TIMP2: variants seen among roughly 807,000 people sequenced by gnomAD.
TIMP2 encodes the protein metalloproteinase inhibitor 2.
TIMP2 carries 5 observed loss-of-function variants against 24.3 expected under a neutral mutation model. The ratio of observed to expected loss-of-function variants is 0.21; its 90% CI spans 0.11 to 0.43. The LOEUF is 0.43. TIMP2 is among the 20% of genes least tolerant of loss of function. The probability of loss-of-function intolerance (pLI) is 1.00; values close to 1 mark genes in which losing one functional copy is unlikely to be tolerated. For synonymous variants in TIMP2, 130 were observed against 123.2 expected (o/e 1.06, Z -0.37); for missense variants, 221 against 297.5 (o/e 0.74, Z 1.89).
chr17:78,865,466 A>C (rs2069603497), intron 3 of TIMP2, among the ~76,000 whole-genome samples: 1 of 152,038 alleles, frequency 6.6e-6, no homozygotes, highest in Non-Finnish European at 1.5e-5. Context: ...CTCTACTAAA[A>C]ATACAAAATT....
At chr17:78,898,223 G>A (rs1037378965) in intron 1 of TIMP2, 2 of 152,254 alleles carry the variant, frequency 1.3e-5, no homozygotes, top group Non-Finnish European at 2.9e-5. Context: ...CATAGGAGGT[G>A]AGGCCTATTC....
At chr17:78,913,452 T>C (rs187425926) in intron 1 of TIMP2, among the ~76,000 whole-genome samples, 1 of 152,258 alleles carries the variant, frequency 6.6e-6, no homozygotes, top group East Asian at 1.9e-4. Context: ...GGTTCACGCT[T>C]GTAATCCCAG....
At chr17:78,895,653 G>A (rs969153652) in intron 1 of TIMP2, among the ~76,000 whole-genome samples, 22 of 152,194 alleles carry the variant, frequency 1.4e-4, no homozygotes, top group Admixed American at 1.4e-3. Context: ...GAGAAGGCCT[G>A]AGTCCACAAA....
intron 1 of TIMP2, chr17:78,892,323 C>T: frequency 6.4e-7 from 1 of 1,550,664 alleles, no homozygotes; most frequent in Non-Finnish European, 8.7e-7. Flanking sequence ...CACATGGCTC[C>T]ATCCATGTTT....
chr17:78,855,043 T>C lies in TIMP2; in HGVS notation c.*624A>G, dbSNP rs1259113789. On this transcript the variant is annotated 3_prime_UTR_variant, in exon 5 of 5. Coordinates refer to ENST00000262768, the MANE Select transcript of TIMP2 (RefSeq NM_003255.5). The surrounding 1 kb of genome is among the most constrained non-coding windows in gnomAD (Gnocchi z 6.0). ...GCTCAGAGGGAGGCTCCCACTGGAA[T>C]TCTGAGGATTAATAGGATTGATGGG... 3.9e-4 allele frequency: 60 copies of C among 152,660 alleles called. 1 individual carries two copies. Among genetic ancestry groups the C allele is most frequent in the Admixed American group, 3.9e-3 (60 of 15,376 alleles). 9.5% of individuals were successfully genotyped at this position (152,660 alleles called of 1,614,324 possible). A position where few individuals can be genotyped will look rare whatever the true frequency, so the allele number is the denominator to read the frequency against.
chr17:78,863,835 A>T (rs1034131061), intron 3 of TIMP2, among the ~76,000 whole-genome samples: 6 of 152,122 alleles, frequency 3.9e-5, no homozygotes, highest in African/African-American at 1.4e-4. Context: ...CTCTGTGATC[A>T]TCATTTCTGG....
At chr17:78,866,974 T>C (rs1599147409) in intron 3 of TIMP2, among the ~76,000 whole-genome samples, 1 of 152,230 alleles carries the variant, frequency 6.6e-6, no homozygotes, top group East Asian at 1.9e-4. Flanking sequence ...AACCACTGAA[T>C]TGTAGGCCGG....
chr17:78,878,306 T>A (rs2069746596), intron 1 of TIMP2, among the ~76,000 whole-genome samples: 1 of 152,212 alleles, frequency 6.6e-6, no homozygotes, highest in South Asian at 2.1e-4. Flanking sequence ...CCACAGTTGT[T>A]CACACCTAAG....
intron 1 of TIMP2, among the ~76,000 whole-genome samples, chr17:78,911,727 G>A (rs1404733378): frequency 6.6e-6 from 1 of 151,930 alleles, no homozygotes; most frequent in East Asian, 2.0e-4. Flanking sequence ...CACCCCACCT[G>A]GCCTCCATTT....
chr17:78,908,449 C>G (rs2070180016), intron 1 of TIMP2, among the ~76,000 whole-genome samples: 1 of 152,190 alleles, frequency 6.6e-6, no homozygotes, highest in Non-Finnish European at 1.5e-5. Context: ...TACCTGTCAC[C>G]AAGGCCTTCT....
intron 1 of TIMP2, among the ~76,000 whole-genome samples, chr17:78,879,531 G>C (rs2069759657): frequency 6.6e-6 from 1 of 152,210 alleles, no homozygotes; most frequent in Admixed American, 6.5e-5. Context: ...CCCATCTCCT[G>C]TCCATGCCCC....
chr17:78,861,204 G>A (rs2069564587), intron 3 of TIMP2, among the ~76,000 whole-genome samples: 1 of 152,120 alleles, frequency 6.6e-6, no homozygotes, highest in Non-Finnish European at 1.5e-5. Flanking sequence ...GTATACCGCA[G>A]CCCCTTCCCT....
chr17:78,857,958 T>C (rs2069538411), intron 3 of TIMP2, among the ~76,000 whole-genome samples: 1 of 151,756 alleles, frequency 6.6e-6, no homozygotes, highest in African/African-American at 2.4e-5. Context: ...TAATCCCAGC[T>C]ACTTGGGAGG....
chr17:78,925,114 G>T lies in TIMP2; in HGVS notation c.-26C>A. 1.2e-6 allele frequency: 1 copy of T among 833,900 alleles called. No individual in the cohort carries two copies. Among genetic ancestry groups the T allele is most frequent in the Non-Finnish European group, 1.4e-6 (1 of 694,490 alleles). The allele number at this position is 833,900 out of a possible 1,614,324, so 51.7% of individuals were successfully genotyped here. ...GGCGGGCCGGGGGGCTGGGCGGGCG[G>T]GGGCCGCCGCTGGGGGGTCCGGGCG... On this transcript the variant is annotated 5_prime_UTR_variant, in exon 1 of 5. Transcript: ENST00000262768.
At chr17:78,881,117 G>A (rs759579321) in intron 1 of TIMP2, among the ~76,000 whole-genome samples, 5 of 152,216 alleles carry the variant, frequency 3.3e-5, no homozygotes, top group Non-Finnish European at 7.3e-5. Flanking sequence ...AACCCGGCCC[G>A]ATCATCTGCA....
intron 1 of TIMP2, among the ~76,000 whole-genome samples, chr17:78,882,390 C>G (rs1312011146): frequency 6.6e-6 from 1 of 152,258 alleles, no homozygotes; most frequent in East Asian, 1.9e-4. Flanking sequence ...TTCCCCACTT[C>G]TGGTGTCTAC....
chr17:78,872,511 A>C (rs1241978772), intron 2 of TIMP2, among the ~76,000 whole-genome samples: 1 of 152,152 alleles, frequency 6.6e-6, no homozygotes, highest in Non-Finnish European at 1.5e-5. Context: ...GAGTTTCAAT[A>C]AGCAAACCCA....
rs1301462293 is a variant in TIMP2, at chr17:78,876,358, C to CT, written c.131-2440dup. Among the ~76,000 whole-genome samples the CT allele has an allele frequency of 1.8e-4, 27 of 148,866 alleles. No individual in the cohort carries two copies. The East Asian group carries it at 4.3e-3, about 24-fold the overall frequency. On this transcript the variant is annotated intron_variant, in intron 1 of 4. Transcript: ENST00000262768. The stretch of plus-strand genomic sequence containing the variant: ...TCTGAACAGACAAGTTTCTTTCTTT[C>CT]TTTTTTTTTTAGACAGAGTCTTGCT...
intron 1 of TIMP2, chr17:78,904,660 C>T (rs143156116): frequency 7.9e-5 from 12 of 152,256 alleles, no homozygotes; most frequent in African/African-American, 2.9e-4. Context: ...GCTTGACGGG[C>T]TAAGGGATGC....
Sources: gnomAD v4.1 joint callset for allele counts (sites outside exome capture counted in the v4.1 genomes callset) on GRCh38, gnomAD v4.1.1 for gene constraint, Gnocchi (gnomAD v3.1) non-coding constraint, MANE v1.5 for transcripts, NCBI Gene and HGNC (gene_info 2026-07-23, HGNC 2026-07-21) for gene names.